Variants in TRPM6 observed in about 807,000 individuals in gnomAD.
The protein encoded by TRPM6 is transient receptor potential cation channel subfamily M member 6.
In TRPM6, 111 loss-of-function variants were observed where a neutral mutation model predicts 247.6. The observed-to-expected ratio is 0.45, with a 90% confidence interval of 0.38 to 0.52. The LOEUF (loss-of-function observed/expected upper bound fraction) is 0.52, where lower values mean the gene tolerates loss of function less well. Ranked by LOEUF, TRPM6 falls within the 20% of genes least tolerant of loss-of-function variation. The pLI, the probability that TRPM6 is intolerant of heterozygous loss-of-function variation, is 0.00. For synonymous variants in TRPM6, 892 were observed against 853.8 expected, an observed-to-expected ratio of 1.04 and a Z score of -0.78; for missense variants, 2,126 against 2,421.5, an observed-to-expected ratio of 0.88 and a Z score of 2.56.
chr9:74,799,301 T>G (rs1041558416), intron 17 of TRPM6, among the ~76,000 whole-genome samples: 2 of 152,164 alleles, frequency 1.3e-5, no homozygotes, highest in African/African-American at 4.8e-5. Flanking sequence ...TAGTCACTCT[T>G]TGTCTCTTTT....
chr9:74,885,095 T>A (rs1564066873), intron 1 of TRPM6, among the ~76,000 whole-genome samples: 1 of 152,162 alleles, frequency 6.6e-6, no homozygotes, highest in African/African-American at 2.4e-5. Flanking sequence ...AACAAAGAAC[T>A]TGTGGTTAAA....
chr9:74,760,865 G>A (rs1826602184), intron 27 of TRPM6, among the ~76,000 whole-genome samples: 1 of 152,090 alleles, frequency 6.6e-6, no homozygotes, highest in African/African-American at 2.4e-5. Context: ...GATTATGGAG[G>A]GGATAGGTTA....
At position 74,840,102 on chromosome 9, in the gene TRPM6, T is replaced by A; in HGVS notation, c.466A>T (p.Lys156Ter). 1.2e-6 allele frequency: 2 copies of A among 1,614,092 alleles called. No individual in the cohort carries two copies. Among genetic ancestry groups the A allele is most frequent in the Non-Finnish European group, 1.7e-6 (2 of 1,180,000 alleles). The change falls in exon 5 of 39, where the codon AAA (lysine) becomes TAA (stop). Residue 156 changes from lysine (K) to a stop codon, truncating the protein, a stop_gained. Coordinates refer to ENST00000360774, the MANE Select transcript of TRPM6 (RefSeq NM_017662.5). LOFTEE classifies it high-confidence loss of function. Reference protein sequence around the residue: ...IQNFTMPSKFKEIFSQGLVKA... With the variant: ...IQNFTMPSKF ...ACCAAACCTTGGCTGAAAATCTCTT[T>A]AAATTTAGAGGGCATAGTAAAGTTC... is the stretch of plus-strand genomic sequence containing the variant.
In TRPM6 at chr9:74,746,025, G is replaced by A. The variant is rs796219910; in HGVS notation, c.5083+1864C>T. On this transcript the variant is annotated intron_variant, in intron 31 of 38. Coordinates refer to ENST00000360774, the MANE Select transcript of TRPM6 (RefSeq NM_017662.5). ...TGGGAGGCCGAGGCGAGCAGATCAC[G>A]AGGTCAGAAGATTGAGACCATCCTG... 4.6e-5 allele frequency among the ~76,000 whole-genome samples: 7 copies of A among 152,184 alleles called. No individual in the cohort carries two copies. In the South Asian group the frequency reaches 1.0e-3, roughly 23 times the overall value.
intron 7 of TRPM6, among the ~76,000 whole-genome samples, chr9:74,822,191 T>C (rs1829154040): frequency 2.0e-5 from 3 of 152,212 alleles, no homozygotes; most frequent in Admixed American, 2.0e-4. Flanking sequence ...AATGTGTTCA[T>C]CACTCATCTC....
At chr9:74,838,766 TGGGCA>T (rs1829813076) in intron 5 of TRPM6, among the ~76,000 whole-genome samples, 1 of 151,902 alleles carries the variant, frequency 6.6e-6, no homozygotes, top group Non-Finnish European at 1.5e-5. Context: ...TAGGAGACAC[TGGGCA>T]GGGCATGCCA....
intron 1 of TRPM6, among the ~76,000 whole-genome samples, chr9:74,874,238 A>AAAC: frequency 1.3e-5 from 1 of 77,264 alleles, no homozygotes. Flanking sequence ...TCTGTCTTAA[A>AAAC]AACAAAAAAA....
intron 9 of TRPM6, 62 bp from the exon 10 acceptor site, chr9:74,817,026 G>C (rs1295331671): frequency 7.3e-7 from 1 of 1,374,464 alleles, no homozygotes; most frequent in Non-Finnish European, 1.0e-6. Context: ...TGCTTTCAAA[G>C]AGTACCCACA....
rs4300062 is a variant in TRPM6 at position 74,812,257 on chromosome 9, T to C, written c.1443+42A>G. 401,350 of 1,610,332 alleles carry C rather than the reference T, an allele frequency of 0.25. 51,486 individuals are homozygous for C. Among genetic ancestry groups the C allele is most frequent in the African/African-American group, 0.38 (28,685 of 74,852 alleles). On this transcript the variant is annotated intron_variant, in intron 12 of 38. Transcript: ENST00000360774. ...TCTGCTTGATGATCCTTGCTCTTCT[T>C]GAATCTGGAGGGAAATGATTGATGA... is the stretch of plus-strand genomic sequence containing the variant.
At chr9:74,879,899 C>T (rs901940175) in intron 1 of TRPM6, among the ~76,000 whole-genome samples, 1 of 152,180 alleles carries the variant, frequency 6.6e-6, no homozygotes, top group Non-Finnish European at 1.5e-5. Context: ...GGAACCCCAA[C>T]TTGAAGCCAG....
chr9:74,726,634 C>G (rs1414384973), intron 38 of TRPM6, among the ~76,000 whole-genome samples: 1 of 152,218 alleles, frequency 6.6e-6, no homozygotes, highest in Non-Finnish European at 1.5e-5. Flanking sequence ...TGTCTCAAGT[C>G]TCCCTGTGTC....
chr9:74,852,450 C>CCCG lies in TRPM6; in HGVS notation c.152+3076_152+3077insCGG, dbSNP rs1830357704. 8.1e-5 allele frequency among the ~76,000 whole-genome samples: 12 copies of CCCG among 148,150 alleles called. 1 individual carries two copies. Among genetic ancestry groups the CCCG allele is most frequent in the South Asian group, 4.3e-4 (2 of 4,606 alleles). ...TCCCGCTCCCTCTCCCGCTCCCCCT[C>CCCG]CTCCCTCTCCCTCTCCCTCTCCCTC... On this transcript the variant is annotated intron_variant, in intron 3 of 38. Transcript: ENST00000360774.
intron 7 of TRPM6, among the ~76,000 whole-genome samples, chr9:74,824,017 T>C (rs1171171944): frequency 6.6e-6 from 1 of 152,168 alleles, no homozygotes; most frequent in Admixed American, 6.5e-5. Flanking sequence ...TACAGAAAAC[T>C]GTCCCTTTCT....
chr9:74,825,463 G>A (rs867671398), intron 7 of TRPM6, among the ~76,000 whole-genome samples: 323 of 31,864 alleles, frequency 0.01, 6 homozygotes, highest in African/African-American at 0.03. Flanking sequence ...TCTTCCGTGT[G>A]TGTGTGTGTG....
At chr9:74,834,247 T>C (rs1829642409) in intron 5 of TRPM6, 125 bp from the exon 6 acceptor site, 2 of 1,143,244 alleles carry the variant, frequency 1.7e-6, no homozygotes, top group Non-Finnish European at 2.6e-6. Flanking sequence ...GAGTTGCTGG[T>C]ACAGTGGAAT....
At chr9:74,777,537 C>T (rs1827266740) in intron 23 of TRPM6, among the ~76,000 whole-genome samples, 2 of 152,192 alleles carry the variant, frequency 1.3e-5, no homozygotes, top group Non-Finnish European at 2.9e-5. Flanking sequence ...TACACTACCA[C>T]AGTCTTGTTT....
intron 36 of TRPM6, 39 bp downstream of exon 36, chr9:74,738,368 C>T (rs754595845): frequency 1.9e-6 from 3 of 1,607,952 alleles, no homozygotes; most frequent in Non-Finnish European, 8.5e-7. Flanking sequence ...TTACACTTTG[C>T]CTCATGCTTG....
intron 1 of TRPM6, chr9:74,875,346 C>A (rs1305824544): frequency 4.6e-6 from 2 of 432,548 alleles, no homozygotes; most frequent in Non-Finnish European, 4.7e-6. Context: ...AGTTCGAGAC[C>A]AGCCTGGCCA....
At chr9:74,852,484 CGT>C (rs1830362849) in intron 3 of TRPM6, among the ~76,000 whole-genome samples, 3 of 142,298 alleles carry the variant, frequency 2.1e-5, no homozygotes, top group African/African-American at 9.1e-5. Flanking sequence ...TCTCCCTCTC[CGT>C]CTCCGTCTCC....
Sources: allele counts gnomAD v4.1 joint callset (sites outside exome capture counted in the v4.1 genomes callset), GRCh38; gene constraint gnomAD v4.1.1; transcripts MANE v1.5; gene names NCBI Gene and HGNC (gene_info 2026-07-23, HGNC 2026-07-21).